Variants in MEIKIN observed in about 807,000 individuals in gnomAD.
MEIKIN encodes the protein meiosis-specific kinetochore protein.
intron 6 of MEIKIN, among the ~76,000 whole-genome samples, chr5:131,918,589 A>T (rs1234704110): frequency 6.6e-6 from 1 of 152,206 alleles, no homozygotes; most frequent in African/African-American, 2.4e-5. Context: ...AGGTGGGCTG[A>T]CAATATCCAT....
At chr5:131,904,928 T>C (rs950877057) in intron 8 of MEIKIN, among the ~76,000 whole-genome samples, 8 of 151,908 alleles carry the variant, frequency 5.3e-5, no homozygotes, top group African/African-American at 1.9e-4. Flanking sequence ...ATTTATAAGT[T>C]GAACAATGAG....
chr5:131,896,354 A>G (rs1000164654), intron 8 of MEIKIN, among the ~76,000 whole-genome samples: 1 of 152,180 alleles, frequency 6.6e-6, no homozygotes, highest in Non-Finnish European at 1.5e-5. Context: ...AGAAGAATGT[A>G]AATTCTGTTG....
At chr5:131,853,185 C>T (rs1403076316) in intron 10 of MEIKIN, among the ~76,000 whole-genome samples, 1 of 152,124 alleles carries the variant, frequency 6.6e-6, no homozygotes. Context: ...ACTATAAATG[C>T]ACTATAAATA....
At chr5:131,823,227 T>A (rs911139888) in intron 11 of MEIKIN, among the ~76,000 whole-genome samples, 2 of 152,188 alleles carry the variant, frequency 1.3e-5, no homozygotes, top group African/African-American at 4.8e-5. Context: ...TATTCATATT[T>A]TTCTCTATGA....
At chr5:131,841,839 T>C (rs1749920125) in intron 11 of MEIKIN, among the ~76,000 whole-genome samples, 2 of 152,354 alleles carry the variant, frequency 1.3e-5, no homozygotes, top group Admixed American at 1.3e-4. Context: ...ATTATTTTCT[T>C]AATCCCTTTT....
At chr5:131,940,250 G>C (rs1751847204) in intron 4 of MEIKIN, among the ~76,000 whole-genome samples, 1 of 152,138 alleles carries the variant, frequency 6.6e-6, no homozygotes, top group Non-Finnish European at 1.5e-5. Flanking sequence ...GAAGGGAGAG[G>C]AAGAAGGAGA....
chr5:131,900,654 G>C (rs1751141193), intron 8 of MEIKIN, among the ~76,000 whole-genome samples: 1 of 152,170 alleles, frequency 6.6e-6, no homozygotes, highest in Non-Finnish European at 1.5e-5. Context: ...AACAGCCCAG[G>C]GTAGTCTTGC....
chr5:131,898,525 C>G (rs1314978965), intron 8 of MEIKIN, among the ~76,000 whole-genome samples: 1 of 152,240 alleles, frequency 6.6e-6, no homozygotes, highest in Non-Finnish European at 1.5e-5. Flanking sequence ...ATGCCCTGCC[C>G]ACAAAGGTGG....
intron 11 of MEIKIN, among the ~76,000 whole-genome samples, chr5:131,848,005 A>T (rs1445551491): frequency 6.6e-6 from 1 of 152,142 alleles, no homozygotes; most frequent in African/African-American, 2.4e-5. Flanking sequence ...AACATAACCA[A>T]ACTTACGGGA....
rs187297249 is a variant in MEIKIN at position 131,897,671 on chromosome 5, G to A, written c.703+14144C>T. ...ATCACTGATATCCTTTCTTCCACTT[G>A]ATGAAATCGGCTATTGAAGCTCGTG... is the stretch of plus-strand genomic sequence containing the variant. On this transcript the variant is annotated intron_variant, in intron 8 of 12. Transcript: ENST00000442687. Among the ~76,000 whole-genome samples, 154 of 152,064 alleles carry A rather than the reference G, an allele frequency of 1.0e-3. 1 individual carries two copies. The highest frequency in any genetic ancestry group is 3.5e-3 in the African/African-American group (146 of 41,462).
chr5:131,836,877 G>A (rs1466542844), intron 11 of MEIKIN, among the ~76,000 whole-genome samples: 2 of 151,786 alleles, frequency 1.3e-5, no homozygotes, highest in Admixed American at 6.6e-5. Flanking sequence ...TTCTTTTGCC[G>A]TGGAGACAGT....
chr5:131,822,643 T>C (rs1749535286), intron 11 of MEIKIN, among the ~76,000 whole-genome samples: 1 of 152,254 alleles, frequency 6.6e-6, no homozygotes, highest in Admixed American at 6.5e-5. Flanking sequence ...ACTGTCTATG[T>C]CTTGAAAAGT....
At chr5:131,885,336 A>G (rs1750763459) in intron 8 of MEIKIN, among the ~76,000 whole-genome samples, 1 of 129,656 alleles carries the variant, frequency 7.7e-6, no homozygotes, top group Non-Finnish European at 1.6e-5. Context: ...GCCACTCAGA[A>G]CTGAAAGAGA....
intron 11 of MEIKIN, among the ~76,000 whole-genome samples, chr5:131,832,538 C>G (rs1049813007): frequency 6.6e-6 from 1 of 152,166 alleles, no homozygotes; most frequent in Non-Finnish European, 1.5e-5. Context: ...GCCCTTTTCT[C>G]ACAGCTCCAG....
At chr5:131,840,711 C>A (rs894556720) in intron 11 of MEIKIN, among the ~76,000 whole-genome samples, 29 of 152,294 alleles carry the variant, frequency 1.9e-4, no homozygotes, top group African/African-American at 7.0e-4. Context: ...CAATTACATT[C>A]TTTTCTATAC....
At chr5:131,884,639 G>A (rs754521704) in intron 8 of MEIKIN, among the ~76,000 whole-genome samples, 19 of 151,938 alleles carry the variant, frequency 1.3e-4, no homozygotes, top group Admixed American at 4.6e-4. Context: ...CTCTCTGCCT[G>A]AGAAAAGTGA....
chr5:131,833,875 C>T (rs971451295), intron 11 of MEIKIN, among the ~76,000 whole-genome samples: 6 of 152,086 alleles, frequency 3.9e-5, no homozygotes, highest in Non-Finnish European at 7.4e-5. Context: ...CCAAGCTCTA[C>T]GAAGAAAATG....
chr5:131,923,867 C>CT (rs912318530), intron 5 of MEIKIN, among the ~76,000 whole-genome samples: 4 of 151,934 alleles, frequency 2.6e-5, no homozygotes, highest in African/African-American at 9.7e-5. Flanking sequence ...TACACTCAAA[C>CT]TTTTAAGTGT....
intron 11 of MEIKIN, among the ~76,000 whole-genome samples, chr5:131,846,576 C>T (rs1750026784): frequency 6.6e-6 from 1 of 152,086 alleles, no homozygotes; most frequent in African/African-American, 2.4e-5. Flanking sequence ...TGGCTGACAC[C>T]TGTAATCTCA....
Sources: allele counts gnomAD v4.1 joint callset (sites outside exome capture counted in the v4.1 genomes callset), GRCh38; gene constraint gnomAD v4.1.1; transcripts MANE v1.5; gene names NCBI Gene and HGNC (gene_info 2026-07-23, HGNC 2026-07-21).